The following PSMB7 variants were observed in gnomAD, a reference collection of about 807,000 sequenced individuals.
The protein encoded by PSMB7 is proteasome subunit beta type-7.
A neutral mutation model predicts 28.1 loss-of-function variants in PSMB7; 5 were observed. The ratio of observed to expected loss-of-function variants is 0.18; its 90% CI spans 0.09 to 0.37. The LOEUF (loss-of-function observed/expected upper bound fraction) is 0.37. Ranked by LOEUF, PSMB7 falls within the 10% of genes least tolerant of loss-of-function variation. The pLI, the probability that PSMB7 is intolerant of heterozygous loss-of-function variation, is 1.00. For missense variants in PSMB7, 275 were observed against 346.2 expected (o/e 0.79, Z 1.63); for synonymous variants, 122 against 123.7 (o/e 0.99, Z 0.09).
chr9:124,396,749 C>A (rs781759011), intron 5 of PSMB7: 14 of 466,066 alleles, frequency 3.0e-5, no homozygotes, highest in Admixed American at 2.4e-4. Context: ...ATTTTATATA[C>A]CTTGCCAATG....
chr9:124,393,130 A>G (rs981757544), intron 5 of PSMB7, among the ~76,000 whole-genome samples: 14 of 152,146 alleles, frequency 9.2e-5, no homozygotes, highest in African/African-American at 3.4e-4. Context: ...AACAATGCCA[A>G]TGTGTGCAGA....
At chr9:124,411,057 C>A (rs1217229225) in intron 4 of PSMB7, among the ~76,000 whole-genome samples, 1 of 151,922 alleles carries the variant, frequency 6.6e-6, no homozygotes, top group Non-Finnish European at 1.5e-5. Context: ...CTCACGGCAA[C>A]CTCCACCTTC....
At chr9:124,397,615 A>C (rs993138381) in intron 5 of PSMB7, among the ~76,000 whole-genome samples, 4 of 152,238 alleles carry the variant, frequency 2.6e-5, no homozygotes, top group Admixed American at 6.5e-5. Flanking sequence ...CTTACTGTCA[A>C]ATCACTCAGA....
intron 1 of PSMB7, 196 bp from the exon 2 acceptor site, chr9:124,415,131 C>T (rs1831073476): frequency 1.6e-6 from 1 of 630,554 alleles, no homozygotes; most frequent in Non-Finnish European, 2.7e-6. Flanking sequence ...CGTGACGTGC[C>T]TTAGGAGACG....
chr9:124,399,424 G>A (rs974530060), intron 5 of PSMB7, among the ~76,000 whole-genome samples: 7 of 152,150 alleles, frequency 4.6e-5, no homozygotes, highest in African/African-American at 1.7e-4. Flanking sequence ...GCAGCCAGGA[G>A]GGAATGGCTT....
chr9:124,381,948 T>C (rs921732033), intron 6 of PSMB7, among the ~76,000 whole-genome samples: 3 of 151,990 alleles, frequency 2.0e-5, no homozygotes, highest in Admixed American at 6.5e-5. Context: ...AAGAAGAAGG[T>C]ACCACCTTCA....
intron 5 of PSMB7, among the ~76,000 whole-genome samples, chr9:124,400,085 C>T (rs993321144): frequency 6.6e-6 from 1 of 152,160 alleles, no homozygotes; most frequent in Non-Finnish European, 1.5e-5. Flanking sequence ...TGCTGCACCC[C>T]CTGCATGGGT....
At chr9:124,368,599 G>A (rs914321531) in intron 6 of PSMB7, among the ~76,000 whole-genome samples, 2 of 152,024 alleles carry the variant, frequency 1.3e-5, no homozygotes, top group Non-Finnish European at 2.9e-5. Context: ...AATTATTTTC[G>A]GCCACCCCGT....
Position 124,415,416 on chromosome 9 carries a change from C to A in PSMB7, c.10G>T (p.Val4Leu). 6 of 1,614,146 alleles carry A rather than the reference C, an allele frequency of 3.7e-6. No individual in the cohort carries two copies. The highest frequency in any genetic ancestry group is 5.1e-6 in the Non-Finnish European group (6 of 1,180,010). The change falls in exon 1 of 8, where the codon GTG (valine) becomes TTG (leucine). Residue 4 changes from valine (V) to leucine (L), a missense_variant. Coordinates refer to ENST00000259457, the MANE Select transcript of PSMB7 (RefSeq NM_002799.4). MAA[V>L]SVYAPPVGGF... ...CCAACTGGTGGAGCATACACCGACA[C>A]AGCCGCCATCTTCCCAAGAAAGCAG...
At chr9:124,364,022 A>G (rs1435519592) in intron 6 of PSMB7, among the ~76,000 whole-genome samples, 1 of 152,192 alleles carries the variant, frequency 6.6e-6, no homozygotes, top group African/African-American at 2.4e-5. Context: ...GAATAAAATG[A>G]GAGAAATGAC....
At chr9:124,390,901 T>G (rs557777129) in intron 5 of PSMB7, among the ~76,000 whole-genome samples, 1 of 152,216 alleles carries the variant, frequency 6.6e-6, no homozygotes, top group East Asian at 1.9e-4. Flanking sequence ...GGTCAATCCA[T>G]GCATGAGTCA....
chr9:124,379,430 T>G lies in PSMB7; in HGVS notation c.570+5168A>C, dbSNP rs561307268. ...GTCCCTGCCCGAGAAGAATTCAGGCTCACAGCAAGGGAACAAACAAAAAAA... is the reference window on the plus strand; with the variant it reads ...GTCCCTGCCCGAGAAGAATTCAGGCGCACAGCAAGGGAACAAACAAAAAAA... On this transcript the variant is annotated intron_variant, in intron 6 of 7. Coordinates refer to ENST00000259457, the MANE Select transcript of PSMB7 (RefSeq NM_002799.4). Among the ~76,000 whole-genome samples, 8 of 152,132 alleles carry G rather than the reference T, an allele frequency of 5.3e-5. No homozygotes were observed. In the South Asian group the frequency reaches 1.7e-3, roughly 32 times the overall value.
chr9:124,412,255 G>C, intron 4 of PSMB7, 97 bp downstream of exon 4: 1 of 1,199,608 alleles, frequency 8.3e-7, no homozygotes, highest in South Asian at 1.5e-5. Flanking sequence ...GTGTATTTCT[G>C]AATGTGTTTT....
chr9:124,353,758 C>T, intron 7 of PSMB7, 49 bp from the exon 8 acceptor site: 1 of 1,358,724 alleles, frequency 7.4e-7, no homozygotes, highest in Non-Finnish European at 1.1e-6. Flanking sequence ...CCTCAAGGTG[C>T]CAGAGGGCAG....
Position 124,356,046 on chromosome 9 carries a change from A to G in PSMB7, c.722+718T>C, listed in dbSNP as rs1830401476. On this transcript the variant is annotated intron_variant, in intron 7 of 7. Transcript: ENST00000259457. The surrounding 1 kb of genome is among the most constrained non-coding windows in gnomAD (Gnocchi z 4.4). ...GCACCCAGATGCTGCAGCTGGAAGC[A>G]GCACTCAGGGAGCCCATCCTGACCT... 6.6e-6 allele frequency among the ~76,000 whole-genome samples: 1 copy of G among 152,140 alleles called. No homozygotes were observed. The highest frequency in any genetic ancestry group is 2.1e-4 in the South Asian group (1 of 4,830).
chr9:124,412,689 C>T (rs929010050), intron 3 of PSMB7, among the ~76,000 whole-genome samples, 197 bp from the exon 4 acceptor site: 1 of 152,154 alleles, frequency 6.6e-6, no homozygotes, highest in African/African-American at 2.4e-5. Context: ...TATGCAAATA[C>T]ATTATCTATG....
At chr9:124,393,266 G>A (rs1386287410) in intron 5 of PSMB7, among the ~76,000 whole-genome samples, 1 of 152,220 alleles carries the variant, frequency 6.6e-6, no homozygotes, top group Non-Finnish European at 1.5e-5. Context: ...TTGTATGCAT[G>A]CATTTCATTA....
intron 7 of PSMB7, 39 bp from the exon 8 acceptor site, chr9:124,353,748 C>T: frequency 1.4e-6 from 2 of 1,436,624 alleles, no homozygotes; most frequent in Non-Finnish European, 2.0e-6. Flanking sequence ...TTAGGATTCT[C>T]CTCAAGGTGC....
Position 124,371,529 on chromosome 9 carries a change from T to A in PSMB7, c.570+13069A>T, listed in dbSNP as rs764726047. Among the ~76,000 whole-genome samples, 6 of 152,322 alleles carry A rather than the reference T, an allele frequency of 3.9e-5. No homozygotes were observed. In the East Asian group the frequency reaches 1.2e-3, roughly 29 times the overall value. ...AATAGAATTCTAAAATGAAATAAAG[T>A]CAGTGAATAACAAAAGAGTATCTTT... is the stretch of plus-strand genomic sequence containing the variant. On this transcript the variant is annotated intron_variant, in intron 6 of 7. Coordinates refer to ENST00000259457, the MANE Select transcript of PSMB7 (RefSeq NM_002799.4).
Sources: allele counts gnomAD v4.1 joint callset (sites outside exome capture counted in the v4.1 genomes callset), GRCh38; gene constraint gnomAD v4.1.1; non-coding constraint Gnocchi (gnomAD v3.1); transcripts MANE v1.5; gene names NCBI Gene and HGNC (gene_info 2026-07-23, HGNC 2026-07-21).